Variants in LONP2 observed in about 807,000 individuals in gnomAD.
LONP2 encodes the protein lon peptidase 2, peroxisomal.
A neutral mutation model predicts 85.6 loss-of-function variants in LONP2; 60 were observed. That is an observed-to-expected ratio of 0.70 (90% CI 0.57 to 0.87). The LOEUF (loss-of-function observed/expected upper bound fraction) is 0.87, where lower values mean the gene tolerates loss of function less well. Among genes scored for constraint, LONP2 ranks in the 40% least tolerant of loss-of-function variants. LONP2 has a pLI of 0.00. For missense variants in LONP2, 860 were observed against 1,063.5 expected, an observed-to-expected ratio of 0.81 and a Z score of 2.66; for synonymous variants, 395 against 389.7, an observed-to-expected ratio of 1.01 and a Z score of -0.16.
intron 2 of LONP2, among the ~76,000 whole-genome samples, chr16:48,254,584 C>T (rs1283498471): frequency 6.6e-6 from 1 of 152,040 alleles, no homozygotes; most frequent in Non-Finnish European, 1.5e-5. Context: ...AGGCTGGTCT[C>T]GAACTCCTGA....
chr16:48,296,216 T>G, intron 9 of LONP2, 51 bp downstream of exon 9: 1 of 1,577,976 alleles, frequency 6.3e-7, no homozygotes, highest in Non-Finnish European at 8.6e-7. Context: ...TGACCATAAC[T>G]TTAAAATTAG....
chr16:48,256,952 G>A (rs1022253783), intron 3 of LONP2, among the ~76,000 whole-genome samples: 1 of 150,502 alleles, frequency 6.6e-6, no homozygotes, highest in African/African-American at 2.5e-5. Flanking sequence ...GTTGACACAA[G>A]CAGCTCTTTT....
At chr16:48,351,210 CGCTCATG>C (rs1567355938) in intron 14 of LONP2, among the ~76,000 whole-genome samples, 1 of 152,162 alleles carries the variant, frequency 6.6e-6, no homozygotes, top group African/African-American at 2.4e-5. Context: ...GCAGGAGCGG[CGCTCATG>C]GTCAGAATCA....
At chr16:48,309,620 C>T (rs574332505) in intron 11 of LONP2, among the ~76,000 whole-genome samples, 176 of 152,218 alleles carry the variant, frequency 1.2e-3, no homozygotes, top group African/African-American at 3.6e-3. Flanking sequence ...TGTCCAGGAG[C>T]ATGTTGTTTA....
At chr16:48,298,387 T>G (rs1222538112) in intron 9 of LONP2, among the ~76,000 whole-genome samples, 2 of 152,106 alleles carry the variant, frequency 1.3e-5, no homozygotes, top group Admixed American at 1.3e-4. Context: ...ACATTATGTG[T>G]TCTAAATATA....
rs1174698240 is a variant in LONP2 at position 48,352,141 on chromosome 16, C to T, written c.*339C>T. On this transcript the variant is annotated 3_prime_UTR_variant, in exon 15 of 15. Coordinates refer to ENST00000285737, the MANE Select transcript of LONP2 (RefSeq NM_031490.5). ...TACATTCTCAGGCTCCACAGCAGGC[C>T]GCCTGAATCAAATCCTGGGAGGTGG... 1 of 221,362 alleles carries T rather than the reference C, an allele frequency of 4.5e-6. No homozygotes were observed. The highest frequency in any genetic ancestry group is 9.0e-6 in the Non-Finnish European group (1 of 110,526). 13.7% of individuals were successfully genotyped at this position (221,362 alleles called of 1,614,324 possible).
chr16:48,333,671 G>C (rs1415378933), intron 11 of LONP2, among the ~76,000 whole-genome samples: 3 of 151,360 alleles, frequency 2.0e-5, no homozygotes, highest in Non-Finnish European at 4.4e-5. Flanking sequence ...AGTGTTGGGG[G>C]GAGAGAGAGA....
rs1028448376 is a variant in LONP2 at position 48,355,164 on chromosome 16, A to G, written c.*3362A>G. 1.3e-5 allele frequency: 2 copies of G among 152,104 alleles called. No individual in the cohort carries two copies. The highest frequency in any genetic ancestry group is 4.8e-5 in the African/African-American group (2 of 41,398). 9.4% of individuals were successfully genotyped at this position (152,104 alleles called of 1,614,324 possible). A position where few individuals can be genotyped will look rare whatever the true frequency, so the allele number is the denominator to read the frequency against. On this transcript the variant is annotated 3_prime_UTR_variant, in exon 15 of 15. Coordinates refer to ENST00000285737, the MANE Select transcript of LONP2 (RefSeq NM_031490.5). ...GGTCCTTTAGGGATACATATCCAGG[A>G]GCAGAACTACTAGATCACATATGCT...
At chr16:48,330,177 A>C (rs190619609) in intron 11 of LONP2, among the ~76,000 whole-genome samples, 2 of 152,314 alleles carry the variant, frequency 1.3e-5, no homozygotes, top group Admixed American at 1.3e-4. Context: ...TTATAATTTG[A>C]ATTTCTTTGC....
chr16:48,336,813 A>G (rs150403914), intron 12 of LONP2, among the ~76,000 whole-genome samples: 1 of 152,320 alleles, frequency 6.6e-6, no homozygotes, highest in Non-Finnish European at 1.5e-5. Context: ...CATGCAGGTC[A>G]CAGGGGATAT....
chr16:48,347,396 AG>A, intron 12 of LONP2, 110 bp from the exon 13 acceptor site: 1 of 953,338 alleles, frequency 1.0e-6, no homozygotes, highest in Non-Finnish European at 1.7e-6. Context: ...AAGGACTTTG[AG>A]GTAAGTGGCT....
In LONP2 at chr16:48,356,477, C is replaced by A; in HGVS notation, c.*4675C>A. 1 of 147,052 alleles carries A rather than the reference C, an allele frequency of 6.8e-6. No individual in the cohort carries two copies. Among genetic ancestry groups the A allele is most frequent in the African/African-American group, 2.6e-5 (1 of 38,182 alleles). 9.1% of individuals were successfully genotyped at this position (147,052 alleles called of 1,614,324 possible). On this transcript the variant is annotated 3_prime_UTR_variant, in exon 15 of 15. Coordinates refer to ENST00000285737, the MANE Select transcript of LONP2 (RefSeq NM_031490.5). ...TAAGCTCACATTATTTGAAGTACTT[C>A]AGTTCCTATTGCCATGAAAATTGTA... is the stretch of plus-strand genomic sequence containing the variant.
chr16:48,324,165 G>T (rs991147288), intron 11 of LONP2, among the ~76,000 whole-genome samples: 7 of 152,138 alleles, frequency 4.6e-5, no homozygotes, highest in Non-Finnish European at 8.8e-5. Flanking sequence ...ATCCTTGTCA[G>T]TTTAGCCTTG....
chr16:48,246,446 A>G (rs1971391752), intron 1 of LONP2, among the ~76,000 whole-genome samples: 1 of 152,140 alleles, frequency 6.6e-6, no homozygotes. Context: ...TTTTCTTTCT[A>G]CTGTGCATAT....
chr16:48,297,293 C>T (rs1177829358), intron 9 of LONP2, among the ~76,000 whole-genome samples: 2 of 151,896 alleles, frequency 1.3e-5, no homozygotes, highest in Non-Finnish European at 2.9e-5. Context: ...CCACCATGTC[C>T]AGCCTAAATG....
At chr16:48,269,615 T>C (rs1288409778) in intron 6 of LONP2, among the ~76,000 whole-genome samples, 1 of 152,182 alleles carries the variant, frequency 6.6e-6, no homozygotes, top group Non-Finnish European at 1.5e-5. Flanking sequence ...GGGTAACTGT[T>C]TTCTTCTTTT....
chr16:48,253,201 G>C (rs1825176306), intron 2 of LONP2, among the ~76,000 whole-genome samples: 1 of 152,116 alleles, frequency 6.6e-6, no homozygotes, highest in African/African-American at 2.4e-5. Context: ...CAGGTGCGCT[G>C]GTGCACACCT....
chr16:48,344,223 G>C (rs898930317), intron 12 of LONP2: 1 of 152,114 alleles, frequency 6.6e-6, no homozygotes, highest in Non-Finnish European at 1.5e-5. Context: ...GGAGAAATAC[G>C]TGGAAACCAG....
At chr16:48,283,994 C>T (rs908876321) in intron 8 of LONP2, among the ~76,000 whole-genome samples, 2 of 152,102 alleles carry the variant, frequency 1.3e-5, no homozygotes, top group African/African-American at 4.8e-5. Flanking sequence ...TTCCAGCCCT[C>T]ATGGATGACT....
Sources: allele counts gnomAD v4.1 joint callset (sites outside exome capture counted in the v4.1 genomes callset), GRCh38; gene constraint gnomAD v4.1.1; transcripts MANE v1.5; gene names NCBI Gene and HGNC (gene_info 2026-07-23, HGNC 2026-07-21).